TAP1: variants seen among roughly 807,000 people sequenced by gnomAD.
TAP1 encodes the protein antigen peptide transporter 1.
In TAP1, 56 loss-of-function variants were observed where a neutral mutation model predicts 79.3. The observed-to-expected ratio is 0.71, with a 90% CI of 0.57 to 0.88. The LOEUF (loss-of-function observed/expected upper bound fraction) is 0.88, where lower values mean the gene tolerates loss of function less well. Ranked by LOEUF, TAP1 falls within the 40% of genes least tolerant of loss-of-function variation. The pLI, the probability that TAP1 is intolerant of heterozygous loss-of-function variation, is 0.00. For missense variants in TAP1, 737 were observed against 936.3 expected, an observed-to-expected ratio of 0.79 and a Z score of 2.78; for synonymous variants, 355 against 401.4, an observed-to-expected ratio of 0.88 and a Z score of 1.38.
chr6:32,851,093 C>T lies in TAP1; in HGVS notation c.901G>A (p.Glu301Lys). 2 of 1,613,006 alleles carry T rather than the reference C, an allele frequency of 1.2e-6. No homozygotes were observed. Among genetic ancestry groups the T allele is most frequent in the South Asian group, 1.1e-5 (1 of 91,078 alleles). ...DTSTLSDSLS[E>K]NLSLFLWYLV... ...TACCACAGAAATAAGCTCAGATTCT[C>T]ACTCAGAGAATCACTCAGGGTGGAC... The change falls in exon 4 of 11, where the codon GAG (glutamate) becomes AAG (lysine). Residue 301 changes from glutamate to lysine, a missense_variant. Glu to Lys is a moderately conservative substitution (Grantham distance 56). This residue lies in a region of TAP1 where 406 missense variants were observed against 477.2 expected (regional missense o/e 0.85). Coordinates refer to ENST00000354258, the MANE Select transcript of TAP1 (RefSeq NM_000593.6). This position sits in a 1 kb window ranked among gnomAD's most constrained non-coding sequence, Gnocchi z 4.8.
rs757095740 is a variant in TAP1, at chr6:32,853,296, C to T, written c.341G>A (p.Arg114Gln). The T allele has an allele frequency of 1.0e-5, 16 of 1,581,702 alleles. No individual in the cohort carries two copies. The African/African-American group carries it at 1.5e-4, about 15-fold the overall frequency. Residue 114 changes from arginine (R) to glutamine (Q), a missense_variant, in exon 1 of 11, where the codon CGA becomes CAA. This residue lies in a region of TAP1 where 406 missense variants were observed against 477.2 expected (regional missense o/e 0.85). Transcript: ENST00000354258. The surrounding 1 kb of genome is among the most constrained non-coding windows in gnomAD (Gnocchi z 8.3). ...GGGGGCTCCCCATGAGATCAGCTCT[C>T]GGAACAAGGCAAGTCCCGGCAGGGC... ...GLALPGLALF[R>Q]ELISWGAPGS...
At chr6:32,846,631 G>A in intron 10 of TAP1, 2 of 302,186 alleles carry the variant, frequency 6.6e-6, no homozygotes, top group Non-Finnish European at 1.3e-5. Context: ...GCCAGCCTGG[G>A]CAACATGGTG....
Position 32,852,370 on chromosome 6 carries a change from C to T in TAP1, c.713+18G>A. 1 of 1,613,010 alleles carries T rather than the reference C, an allele frequency of 6.2e-7. No individual in the cohort carries two copies. The highest frequency in any genetic ancestry group is 8.5e-7 in the Non-Finnish European group (1 of 1,179,974). On this transcript the variant is annotated intron_variant, in intron 2 of 10. Coordinates refer to ENST00000354258, the MANE Select transcript of TAP1 (RefSeq NM_000593.6). This position sits in a 1 kb window ranked among gnomAD's most constrained non-coding sequence, Gnocchi z 4.8. ...CAACTCCCTCATTTGCAGGGTGCCCCATTTTCAGCCCCCAGACCTGGCTAT... is the reference window on the plus strand; with the variant it reads ...CAACTCCCTCATTTGCAGGGTGCCCTATTTTCAGCCCCCAGACCTGGCTAT...
chr6:32,845,529 C>G lies in TAP1; in HGVS notation c.*50G>C. ...ACTCTGCAGCTGTGGTTCTCCACCACAGAGAGAAGAAAAGGGAGGGAGATG... is the reference window on the plus strand; with the variant it reads ...ACTCTGCAGCTGTGGTTCTCCACCAGAGAGAGAAGAAAAGGGAGGGAGATG... On this transcript the variant is annotated 3_prime_UTR_variant, in exon 11 of 11. Coordinates refer to ENST00000354258, the MANE Select transcript of TAP1 (RefSeq NM_000593.6). The surrounding 1 kb of genome is among the most constrained non-coding windows in gnomAD (Gnocchi z 4.5). 6.2e-7 allele frequency: 1 copy of G among 1,600,842 alleles called. No individual in the cohort carries two copies. The highest frequency in any genetic ancestry group is 8.6e-7 in the Non-Finnish European group (1 of 1,169,288).
At position 32,848,891 on chromosome 6, in the gene TAP1, A is replaced by G. The variant is rs765197551; in HGVS notation, c.1378-51T>C. On this transcript the variant is annotated intron_variant, in intron 6 of 10. Coordinates refer to ENST00000354258, the MANE Select transcript of TAP1 (RefSeq NM_000593.6). Reference sequence around the variant, plus strand: ...GTGAGGTAGTCTGCTTGCCAGCATTATGTGAAGCAAGAAGGGTAAAGAATG... The same window carrying G: ...GTGAGGTAGTCTGCTTGCCAGCATTGTGTGAAGCAAGAAGGGTAAAGAATG... 2.5e-6 allele frequency: 4 copies of G among 1,612,858 alleles called. No homozygotes were observed. The African/African-American group carries it at 5.3e-5, about 22-fold the overall frequency.
In TAP1 at chr6:32,852,841, T is replaced by C. The variant is rs1221103923; in HGVS notation, c.598+198A>G. ...CAAAGAATCAAGACCCGGTCAGCAA[T>C]GGAGCCCAGAACCTCTGGCCCCCGC... is the stretch of plus-strand genomic sequence containing the variant. On this transcript the variant is annotated intron_variant, in intron 1 of 10. Coordinates refer to ENST00000354258, the MANE Select transcript of TAP1 (RefSeq NM_000593.6). The surrounding 1 kb of genome is among the most constrained non-coding windows in gnomAD (Gnocchi z 4.8). 1.2e-5 allele frequency: 18 copies of C among 1,440,438 alleles called. No individual in the cohort carries two copies. The highest frequency in any genetic ancestry group is 2.8e-5 in the Admixed American group (1 of 35,252). 89.2% of individuals were successfully genotyped at this position (1,440,438 alleles called of 1,614,324 possible).
rs2127390061 is a variant in TAP1, at chr6:32,850,228, TA to T, written c.1248+91del. 4 of 1,393,352 alleles carry T rather than the reference TA, an allele frequency of 2.9e-6. No homozygotes were observed. The South Asian group carries it at 4.6e-5, about 16-fold the overall frequency. 86.3% of individuals were successfully genotyped at this position (1,393,352 alleles called of 1,614,324 possible). A position where few individuals can be genotyped will look rare whatever the true frequency, so the allele number is the denominator to read the frequency against. ...AAATACTGAACCAACCATTTCCCAG[TA>T]AAGGAGGAGTGGGAGCAGGGTCATA... On this transcript the variant is annotated intron_variant, in intron 5 of 10. Coordinates refer to ENST00000354258, the MANE Select transcript of TAP1 (RefSeq NM_000593.6). This position sits in a 1 kb window ranked among gnomAD's most constrained non-coding sequence, Gnocchi z 5.5.
At position 32,852,168 on chromosome 6, in the gene TAP1, C is replaced by G; in HGVS notation, c.785G>C (p.Gly262Ala). 6.2e-7 allele frequency: 1 copy of G among 1,613,050 alleles called. No homozygotes were observed. The highest frequency in any genetic ancestry group is 8.5e-7 in the Non-Finnish European group (1 of 1,180,008). The change falls in exon 3 of 11, where the codon GGA becomes GCA. Residue 262 changes from glycine to alanine, a missense_variant. Around this residue, in one of 5 missense-constraint regions of TAP1, gnomAD observed 406 missense variants for 477.2 expected, o/e 0.85. Transcript: ENST00000354258. This position sits in a 1 kb window ranked among gnomAD's most constrained non-coding sequence, Gnocchi z 4.8. ...TMGHVHSHLQ[G>A]EVFGAVLRQE... ...GCGCAGGACAGCCCCAAACACCTCT[C>G]CCTGCAAGTGGCTGTGCACGTGGCC...
rs747841675 is a variant in TAP1, at chr6:32,848,977, G to A, written c.1377+13C>T. On this transcript the variant is annotated intron_variant, in intron 6 of 10. Coordinates refer to ENST00000354258, the MANE Select transcript of TAP1 (RefSeq NM_000593.6). ...AGGAATCACACTGGGGAGTGAAGGT[G>A]GAGGGACCTCACCTCCACAGCCTGG... The A allele has an allele frequency of 5.6e-6, 9 of 1,612,698 alleles. No individual in the cohort carries two copies. The highest frequency in any genetic ancestry group is 2.2e-5 in the East Asian group (1 of 44,854).
chr6:32,851,233 G>A lies in TAP1; in HGVS notation c.845-84C>T, dbSNP rs1770764445. The A allele has an allele frequency of 7.3e-7, 1 of 1,361,592 alleles. No individual in the cohort carries two copies. The highest frequency in any genetic ancestry group is 1.0e-6 in the Non-Finnish European group (1 of 971,114). The allele number at this position is 1,361,592 out of a possible 1,614,324, so 84.3% of individuals were successfully genotyped here. A position where few individuals can be genotyped will look rare whatever the true frequency, so the allele number is the denominator to read the frequency against. On this transcript the variant is annotated intron_variant, in intron 3 of 10. Coordinates refer to ENST00000354258, the MANE Select transcript of TAP1 (RefSeq NM_000593.6). This position sits in a 1 kb window ranked among gnomAD's most constrained non-coding sequence, Gnocchi z 4.8. ...AACTAACAATGAGCCAGGATGCCAG[G>A]GTCAGGGGTGTCAACATGGGGTTCT...
chr6:32,849,781 A>C, intron 5 of TAP1: 1 of 166,760 alleles, frequency 6.0e-6, no homozygotes, highest in Non-Finnish European at 1.3e-5. Context: ...AAAATAAACA[A>C]ACAAACAAAC....
chr6:32,850,995 G>A lies in TAP1; in HGVS notation c.999C>T (p.Ile333=). 6.2e-7 allele frequency: 1 copy of A among 1,612,920 alleles called. No individual in the cohort carries two copies. Among genetic ancestry groups the A allele is most frequent in the Non-Finnish European group, 8.5e-7 (1 of 1,179,948 alleles). ...GSVSLTMVTL[I]TLPLLFLLPK... is the part of the protein sequence containing the mutation. ...GCAGAAGGAAAAGCAGAGGCAGGGTGATCAGGGTGACCATGGTGAGGGACA... is the reference window on the plus strand; with the variant it reads ...GCAGAAGGAAAAGCAGAGGCAGGGTAATCAGGGTGACCATGGTGAGGGACA... The change falls in exon 4 of 11, where the codon ATC becomes ATT. Residue 333 remains isoleucine, a synonymous_variant. Coordinates refer to ENST00000354258, the MANE Select transcript of TAP1 (RefSeq NM_000593.6). This position sits in a 1 kb window ranked among gnomAD's most constrained non-coding sequence, Gnocchi z 5.5.
In TAP1 at chr6:32,853,010, C is replaced by A; in HGVS notation, c.598+29G>T. On this transcript the variant is annotated intron_variant, in intron 1 of 10. Coordinates refer to ENST00000354258, the MANE Select transcript of TAP1 (RefSeq NM_000593.6). The surrounding 1 kb of genome is among the most constrained non-coding windows in gnomAD (Gnocchi z 8.3). ...GATTCCTGTCCCAGTCCCCTTGTGT[C>A]CTCCCCTCTTGCCCTGCGTTCCCCT... 6.3e-7 allele frequency: 1 copy of A among 1,599,898 alleles called. No homozygotes were observed.
rs200692576 is a variant in TAP1 at position 32,852,334 on chromosome 6, GCCCCAA to G, written c.713+48_713+53del. The G allele has an allele frequency of 2.8e-3, 4,548 of 1,612,658 alleles. 75 individuals are homozygous for G. In the African/African-American group the frequency reaches 0.042, roughly 15 times the overall value. On this transcript the variant is annotated intron_variant, in intron 2 of 10. Transcript: ENST00000354258. This position sits in a 1 kb window ranked among gnomAD's most constrained non-coding sequence, Gnocchi z 4.8. ...CCATATAAGTGCATTTCGGACAGCAGCCCCAACTTCCAACTCCCTCATTTGCAGGGT... is the reference window on the plus strand; with the variant it reads ...CCATATAAGTGCATTTCGGACAGCAGCTTCCAACTCCCTCATTTGCAGGGT...
Position 32,849,097 on chromosome 6 carries a change from C to G in TAP1, c.1270G>C (p.Val424Leu). Reference sequence around the variant, plus strand: ...TGCCCACCAATGTAGAGGATTCCCACTTTCAGCAGCATACCTGAAATCTAT... The same window carrying G: ...TGCCCACCAATGTAGAGGATTCCCAGTTTCAGCAGCATACCTGAAATCTAT... ...TTSISGMLLK[V>L]GILYIGGQLV... The change falls in exon 6 of 11, where the codon GTG becomes CTG. Residue 424 changes from valine to leucine, a missense_variant. Physicochemically the swap from Val to Leu is conservative, Grantham distance 32. Around this residue, in one of 5 missense-constraint regions of TAP1, gnomAD observed 406 missense variants for 477.2 expected, o/e 0.85. Coordinates refer to ENST00000354258, the MANE Select transcript of TAP1 (RefSeq NM_000593.6). 1 of 1,588,160 alleles carries G rather than the reference C, an allele frequency of 6.3e-7. No homozygotes were observed. Among genetic ancestry groups the G allele is most frequent in the Non-Finnish European group, 8.6e-7 (1 of 1,167,598 alleles).
rs199970837 is a variant in TAP1 at position 32,847,533 on chromosome 6, A to C, written c.1883T>G (p.Leu628Arg). The change falls in exon 9 of 11, where the codon CTC becomes CGC. Residue 628 changes from leucine (L) to arginine (R), a missense_variant. Physicochemically the swap from Leu to Arg is moderately radical, Grantham distance 102 (BLOSUM62 -2). Coordinates refer to ENST00000354258, the MANE Select transcript of TAP1 (RefSeq NM_000593.6). This position sits in a 1 kb window ranked among gnomAD's most constrained non-coding sequence, Gnocchi z 4.7. ...KSGAHSFISG[L>R]PQGYDTEVDE... Reference sequence around the variant, plus strand: ...AGTACCTGTGTCATAGCCCTGAGGGAGTCCAGAGATGAAACTATGGGCCCC... The same window carrying C: ...AGTACCTGTGTCATAGCCCTGAGGGCGTCCAGAGATGAAACTATGGGCCCC... 1 of 1,613,816 alleles carries C rather than the reference A, an allele frequency of 6.2e-7. No homozygotes were observed. Among genetic ancestry groups the C allele is most frequent in the East Asian group, 2.2e-5 (1 of 44,882 alleles).
rs945691185 is a variant in TAP1 at position 32,850,191 on chromosome 6, T to C, written c.1248+129A>G. The C allele has an allele frequency of 1.5e-5, 14 of 964,534 alleles. No homozygotes were observed. Among genetic ancestry groups the C allele is most frequent in the Non-Finnish European group, 2.0e-5 (12 of 611,174 alleles). 59.7% of individuals were successfully genotyped at this position (964,534 alleles called of 1,614,324 possible). A position where few individuals can be genotyped will look rare whatever the true frequency, so the allele number is the denominator to read the frequency against. On this transcript the variant is annotated intron_variant, in intron 5 of 10. Coordinates refer to ENST00000354258, the MANE Select transcript of TAP1 (RefSeq NM_000593.6). This position sits in a 1 kb window ranked among gnomAD's most constrained non-coding sequence, Gnocchi z 5.5. Reference sequence around the variant, plus strand: ...CTGAGTAGAGTCATTGAGCCTCAGGTTGCTAGGACGAAAATACTGAACCAA... The same window carrying C: ...CTGAGTAGAGTCATTGAGCCTCAGGCTGCTAGGACGAAAATACTGAACCAA...
At position 32,852,363 on chromosome 6, in the gene TAP1, G is replaced by T. The variant is rs183998037; in HGVS notation, c.713+25C>A. Reference sequence around the variant, plus strand: ...CAACTTCCAACTCCCTCATTTGCAGGGTGCCCCATTTTCAGCCCCCAGACC... The same window carrying T: ...CAACTTCCAACTCCCTCATTTGCAGTGTGCCCCATTTTCAGCCCCCAGACC... On this transcript the variant is annotated intron_variant, in intron 2 of 10. Coordinates refer to ENST00000354258, the MANE Select transcript of TAP1 (RefSeq NM_000593.6). This position sits in a 1 kb window ranked among gnomAD's most constrained non-coding sequence, Gnocchi z 4.8. 1 of 1,612,884 alleles carries T rather than the reference G, an allele frequency of 6.2e-7. No individual in the cohort carries two copies. The highest frequency in any genetic ancestry group is 2.2e-5 in the East Asian group (1 of 44,882).
Position 32,851,904 on chromosome 6 carries a change from CAA to C in TAP1, c.844+203_844+204del, listed in dbSNP as rs1770798311. Among the ~76,000 whole-genome samples the C allele has an allele frequency of 7.1e-6, 1 of 141,248 alleles. No homozygotes were observed. Among genetic ancestry groups the C allele is most frequent in the Non-Finnish European group, 1.5e-5 (1 of 65,464 alleles). The allele number at this position is 141,248 out of a possible 152,430, so 92.7% of individuals were successfully genotyped here. The stretch of plus-strand genomic sequence containing the variant: ...TGAGGTATATCAAGAATGAGAAAAA[CAA>C]TTGTGTGTGTGTGTGTGTGAGAGAG... On this transcript the variant is annotated intron_variant, in intron 3 of 10. Coordinates refer to ENST00000354258, the MANE Select transcript of TAP1 (RefSeq NM_000593.6). This position sits in a 1 kb window ranked among gnomAD's most constrained non-coding sequence, Gnocchi z 4.8.
Sources: allele counts gnomAD v4.1 joint callset (sites outside exome capture counted in the v4.1 genomes callset), GRCh38; gene constraint gnomAD v4.1.1; regional missense constraint gnomAD v4.1.1; non-coding constraint Gnocchi (gnomAD v3.1); transcripts MANE v1.5; gene names NCBI Gene and HGNC (gene_info 2026-07-23, HGNC 2026-07-21).